Variants in GALNTL6 observed in about 807,000 individuals in gnomAD.
GALNTL6 encodes the protein polypeptide N-acetylgalactosaminyltransferase like 6, also known as polypeptide N-acetylgalactosaminyltransferase-like 6.
Under a neutral mutation model 73.7 loss-of-function variants are expected in GALNTL6, and 46 were observed. That is an observed-to-expected ratio of 0.62 (90% CI 0.49 to 0.80). GALNTL6 has a LOEUF of 0.80. Ranked by LOEUF, GALNTL6 falls within the 30% of genes least tolerant of loss-of-function variation. The pLI is 0.00. For missense variants in GALNTL6, 604 were observed against 755.0 expected (o/e 0.80, Z 2.34); for synonymous variants, 259 against 263.7 (o/e 0.98, Z 0.17).
intron 5 of GALNTL6, among the ~76,000 whole-genome samples, chr4:172,378,065 G>A (rs546463493): frequency 5.3e-5 from 8 of 152,176 alleles, no homozygotes; most frequent in Non-Finnish European, 8.8e-5. Flanking sequence ...CACCAAGAGC[G>A]AGTGAGGGCT....
intron 3 of GALNTL6, among the ~76,000 whole-genome samples, chr4:172,294,717 G>T (rs1324800060): frequency 1.3e-5 from 2 of 152,060 alleles, no homozygotes; most frequent in Admixed American, 1.3e-4. Flanking sequence ...ATTTGCTAAT[G>T]GTGAATGAAA....
intron 10 of GALNTL6, among the ~76,000 whole-genome samples, chr4:172,975,460 T>TCCATGGGAGG (rs1318320801): frequency 6.6e-6 from 1 of 152,152 alleles, no homozygotes; most frequent in Non-Finnish European, 1.5e-5. Context: ...TGCTGATTGG[T>TCCATGGGAGG]CCATGGGAGG....
At chr4:172,661,172 A>T (rs1449158804) in intron 5 of GALNTL6, among the ~76,000 whole-genome samples, 1 of 152,158 alleles carries the variant, frequency 6.6e-6, no homozygotes, top group Non-Finnish European at 1.5e-5. Context: ...CATAATGTGG[A>T]TGGGCCTCAT....
intron 5 of GALNTL6, among the ~76,000 whole-genome samples, chr4:172,727,244 G>A (rs1735870309): frequency 1.3e-5 from 2 of 152,136 alleles, no homozygotes; most frequent in African/African-American, 4.8e-5. Context: ...TAACGCTGTA[G>A]TCATCCAGAA....
intron 5 of GALNTL6, among the ~76,000 whole-genome samples, chr4:172,433,379 T>A (rs759889108): frequency 2.0e-5 from 3 of 152,052 alleles, no homozygotes; most frequent in African/African-American, 7.2e-5. Flanking sequence ...TGCTCCCACC[T>A]CATACACTTA....
chr4:172,936,962 T>C (rs982729980), intron 9 of GALNTL6, among the ~76,000 whole-genome samples: 11 of 152,092 alleles, frequency 7.2e-5, no homozygotes, highest in African/African-American at 2.7e-4. Flanking sequence ...CTCCTCACCA[T>C]AATGTTTCTT....
At chr4:172,135,019 A>G (rs1447084825) in intron 2 of GALNTL6, among the ~76,000 whole-genome samples, 14 of 152,136 alleles carry the variant, frequency 9.2e-5, no homozygotes, top group Admixed American at 8.5e-4. Context: ...CTTTTTTACT[A>G]AACAGTGAGA....
intron 10 of GALNTL6, among the ~76,000 whole-genome samples, chr4:172,965,166 C>T (rs1365192579): frequency 6.6e-6 from 1 of 152,166 alleles, no homozygotes; most frequent in Non-Finnish European, 1.5e-5. Context: ...CTCTGGGGCT[C>T]AAAAACGAGG....
intron 5 of GALNTL6, among the ~76,000 whole-genome samples, chr4:172,424,276 T>A (rs931695430): frequency 7.9e-5 from 12 of 152,140 alleles, no homozygotes; most frequent in African/African-American, 2.7e-4. Context: ...ACTTTGCAAT[T>A]ATTTTGAATA....
chr4:172,959,909 G>A (rs1017586514), intron 10 of GALNTL6, among the ~76,000 whole-genome samples: 2 of 152,160 alleles, frequency 1.3e-5, no homozygotes, highest in Non-Finnish European at 2.9e-5. Context: ...CTTGTGTGCT[G>A]GAGATGTGGC....
chr4:172,598,637 T>C (rs1027227349), intron 5 of GALNTL6, among the ~76,000 whole-genome samples: 3 of 152,148 alleles, frequency 2.0e-5, no homozygotes, highest in African/African-American at 7.2e-5. Flanking sequence ...AGTTCCATGA[T>C]GGATTTTAAA....
chr4:172,307,266 G>A (rs557803835), intron 3 of GALNTL6, among the ~76,000 whole-genome samples: 37 of 152,256 alleles, frequency 2.4e-4, no homozygotes, highest in South Asian at 1.9e-3. Flanking sequence ...TCCTTTGTCA[G>A]ACACATAGTT....
chr4:172,873,694 T>A (rs1438466159), intron 7 of GALNTL6, among the ~76,000 whole-genome samples: 1 of 152,248 alleles, frequency 6.6e-6, no homozygotes, highest in East Asian at 1.9e-4. Flanking sequence ...TTTTCCAGAC[T>A]TTTGATAAGT....
At chr4:172,154,296 G>A (rs1579190420) in intron 2 of GALNTL6, among the ~76,000 whole-genome samples, 1 of 151,900 alleles carries the variant, frequency 6.6e-6, no homozygotes, top group Non-Finnish European at 1.5e-5. Context: ...GCAATGGCGC[G>A]ATCTCCGCTC....
At chr4:172,056,665 A>G (rs1192663523) in intron 2 of GALNTL6, among the ~76,000 whole-genome samples, 1 of 151,976 alleles carries the variant, frequency 6.6e-6, no homozygotes, top group Non-Finnish European at 1.5e-5. Flanking sequence ...AAAGAAAAAG[A>G]TTGTAGAAGT....
chr4:172,566,873 C>T (rs1022070075), intron 5 of GALNTL6, among the ~76,000 whole-genome samples: 4 of 151,968 alleles, frequency 2.6e-5, no homozygotes, highest in African/African-American at 4.8e-5. Context: ...TCATAAGAGA[C>T]CATTATGCAC....
chr4:172,465,460 G>C (rs1732777433), intron 5 of GALNTL6, among the ~76,000 whole-genome samples: 1 of 151,822 alleles, frequency 6.6e-6, no homozygotes, highest in Admixed American at 6.6e-5. Flanking sequence ...TTGGGCGACA[G>C]AGCGAGAATC....
chr4:172,954,291 A>G (rs1749607059), intron 10 of GALNTL6, among the ~76,000 whole-genome samples: 1 of 152,232 alleles, frequency 6.6e-6, no homozygotes. Context: ...TTTCTAGGAA[A>G]GGTACAACCT....
intron 2 of GALNTL6, among the ~76,000 whole-genome samples, chr4:171,824,675 C>A (rs1169553941): frequency 6.6e-6 from 1 of 152,132 alleles, no homozygotes; most frequent in Non-Finnish European, 1.5e-5. Flanking sequence ...TTCCCACACA[C>A]TTTCTTTCAT....
Sources: gnomAD v4.1 joint callset for allele counts (sites outside exome capture counted in the v4.1 genomes callset) on GRCh38, gnomAD v4.1.1 for gene constraint, MANE v1.5 for transcripts, NCBI Gene and HGNC (gene_info 2026-07-23, HGNC 2026-07-21) for gene names.